PLD1: variants seen among roughly 807,000 people sequenced by gnomAD.
The protein encoded by PLD1 is choline phosphatase 1.
In PLD1, 112 loss-of-function variants were observed where a neutral mutation model predicts 137.1. That is an observed-to-expected ratio of 0.82 (90% confidence interval 0.70 to 0.96). The LOEUF is 0.96. Ranked by LOEUF, PLD1 falls within the 40% of genes least tolerant of loss-of-function variation. The probability of loss-of-function intolerance (pLI) is 0.00; values close to 1 mark genes in which losing one functional copy is unlikely to be tolerated. For synonymous variants in PLD1, 431 were observed against 454.7 expected, an observed-to-expected ratio of 0.95 and a Z score of 0.66; for missense variants, 1,321 against 1,342.0, an observed-to-expected ratio of 0.98 and a Z score of 0.24.
At chr3:171,711,167 CTTTTTTTTTTT>C (rs562934959) in intron 9 of PLD1, among the ~76,000 whole-genome samples, 60 of 94,808 alleles carry the variant, frequency 6.3e-4, no homozygotes, top group African/African-American at 2.4e-3. Flanking sequence ...CTGTGCCAGC[CTTTTTTTTTTT>C]TTTTTTTTTT....
chr3:171,609,546 ACACACAC>A lies in PLD1; in HGVS notation c.2882+2726_2882+2732del, dbSNP rs1406000190. On this transcript the variant is annotated intron_variant, in intron 25 of 26. Transcript: ENST00000351298. ...CACACACACACACACACACACACAC[ACACACAC>A]ACCAGAGAAAACTACTCAGCCATAA... Among the ~76,000 whole-genome samples, 940 of 148,516 alleles carry A rather than the reference ACACACAC, an allele frequency of 6.3e-3. 4 individuals are homozygous for A. The highest frequency in any genetic ancestry group is 0.022 in the African/African-American group (842 of 38,388).
chr3:171,639,661 CATATA>C (rs1227386245), intron 23 of PLD1, among the ~76,000 whole-genome samples: 2 of 106,908 alleles, frequency 1.9e-5, no homozygotes, highest in African/African-American at 4.0e-5. Context: ...AATATATATT[CATATA>C]ATATATATTA....
At chr3:171,638,249 TGG>T (rs535643926) in intron 23 of PLD1, among the ~76,000 whole-genome samples, 3 of 151,384 alleles carry the variant, frequency 2.0e-5, no homozygotes, top group Non-Finnish European at 4.4e-5. Context: ...GAAGTTGCTC[TGG>T]GTGTGAGTGG....
intron 6 of PLD1, among the ~76,000 whole-genome samples, chr3:171,727,574 C>T (rs1718622010): frequency 6.6e-6 from 1 of 152,128 alleles, no homozygotes; most frequent in Non-Finnish European, 1.5e-5. Flanking sequence ...AAGATACTCT[C>T]CCAGCATTAG....
chr3:171,713,630 T>C (rs1277310334), intron 9 of PLD1, among the ~76,000 whole-genome samples: 2 of 152,238 alleles, frequency 1.3e-5, no homozygotes, highest in Non-Finnish European at 2.9e-5. Context: ...ATCTATCTGT[T>C]TAGTAAACTG....
intron 19 of PLD1, among the ~76,000 whole-genome samples, chr3:171,672,422 C>G (rs564322303): frequency 1.3e-5 from 2 of 152,224 alleles, no homozygotes; most frequent in South Asian, 4.1e-4. Flanking sequence ...TCCAGGCCAC[C>G]TGAACATGTG....
rs749711845 is a variant in PLD1 at position 171,662,102 on chromosome 3, G to GT, written c.2297dup (p.Tyr766Ter). Residue 766 changes from tyrosine (Y) to a stop codon, truncating the protein, a stop_gained and frameshift_variant, in exon 20 of 27, where the codon TAC (tyrosine) becomes TAAC (stop). Coordinates refer to ENST00000351298, the MANE Select transcript of PLD1 (RefSeq NM_002662.5). LOFTEE classifies it high-confidence loss of function. The stretch of plus-strand genomic sequence containing the variant: ...GCCTGCTGTTCTCTATCACATGGAC[G>GT]TAAGCGGCGTGGATGGACTCTTCAT... The part of the protein sequence containing the change: ...KYHEESIHAA[Y>*]VHVIENSRHY... 2.5e-6 allele frequency: 4 copies of GT among 1,612,878 alleles called. No individual in the cohort carries two copies. The Admixed American group carries it at 6.7e-5, about 27-fold the overall frequency.
intron 1 of PLD1, among the ~76,000 whole-genome samples, chr3:171,750,983 T>C (rs1312464460): frequency 6.6e-6 from 1 of 151,986 alleles, no homozygotes; most frequent in Non-Finnish European, 1.5e-5. Flanking sequence ...CTGAACCAAG[T>C]AGGGACCCCC....
chr3:171,786,589 T>C (rs1723020800), intron 1 of PLD1, among the ~76,000 whole-genome samples: 1 of 152,220 alleles, frequency 6.6e-6, no homozygotes, highest in African/African-American at 2.4e-5. Flanking sequence ...TTTATCATAA[T>C]TGAATACTGT....
chr3:171,742,119 A>G (rs1368775574), intron 1 of PLD1, among the ~76,000 whole-genome samples: 1 of 152,238 alleles, frequency 6.6e-6, no homozygotes, highest in African/African-American at 2.4e-5. Context: ...GAAGCTGGTG[A>G]TCAATTTGAT....
At chr3:171,649,463 A>C (rs1736543859) in intron 21 of PLD1, among the ~76,000 whole-genome samples, 1 of 152,202 alleles carries the variant, frequency 6.6e-6, no homozygotes, top group African/African-American at 2.4e-5. Flanking sequence ...CACTGTGTCC[A>C]ATCTGCCTCC....
In PLD1 at chr3:171,709,579, C is replaced by G; in HGVS notation, c.1042G>C (p.Glu348Gln). 6.2e-7 allele frequency: 1 copy of G among 1,613,998 alleles called. No individual in the cohort carries two copies. The highest frequency in any genetic ancestry group is 8.5e-7 in the Non-Finnish European group (1 of 1,179,926). The change falls in exon 10 of 27, where the codon GAG (glutamate) becomes CAG (glutamine). Residue 348 changes from glutamate to glutamine, a missense_variant. By Grantham distance (29) the Glu-to-Gln change is conservative. Transcript: ENST00000351298. Reference sequence around the variant, plus strand: ...ACTTACCATTTAGCTAAAGCATTCTCTTGGATAGCAGCATATGACCCAAAT... The same window carrying G: ...ACTTACCATTTAGCTAAAGCATTCTGTTGGATAGCAGCATATGACCCAAAT... Reference protein sequence around the residue: ...HRFGSYAAIQENALAKWYVNA... With the variant: ...HRFGSYAAIQQNALAKWYVNA...
chr3:171,688,817 C>T lies in PLD1; in HGVS notation c.1398G>A (p.Lys466=), dbSNP rs1327119512. The change falls in exon 14 of 27, where the codon AAG becomes AAA. Residue 466 remains lysine (K), a synonymous_variant. Coordinates refer to ENST00000351298, the MANE Select transcript of PLD1 (RefSeq NM_002662.5). ...STVYLWAHHE[K]LVIIDQSVAF... is the part of the protein sequence containing the mutation. ...CCACCGATTGGTCAATGATGACAAG[C>T]TTCTCATGGTGAGCCCACAAATAGA... 2 of 1,614,118 alleles carry T rather than the reference C, an allele frequency of 1.2e-6. No homozygotes were observed. The highest frequency in any genetic ancestry group is 1.1e-5 in the South Asian group (1 of 91,084).
intron 19 of PLD1, among the ~76,000 whole-genome samples, chr3:171,671,375 T>C (rs1369873914): frequency 6.6e-6 from 1 of 152,240 alleles, no homozygotes; most frequent in African/African-American, 2.4e-5. Context: ...GGAGACTTTG[T>C]GACACTAAAC....
intron 24 of PLD1, among the ~76,000 whole-genome samples, chr3:171,615,798 C>T (rs563268177): frequency 6.6e-6 from 1 of 152,300 alleles, no homozygotes; most frequent in East Asian, 1.9e-4. Context: ...CAGAGTTTTG[C>T]TGTGATGCAC....
At chr3:171,680,036 T>A (rs1201917149) in intron 16 of PLD1, among the ~76,000 whole-genome samples, 1 of 152,108 alleles carries the variant, frequency 6.6e-6, no homozygotes, top group Non-Finnish European at 1.5e-5. Context: ...TTCTGGCTAC[T>A]AAAGTTTATG....
intron 23 of PLD1, among the ~76,000 whole-genome samples, chr3:171,628,860 C>T (rs950414588): frequency 1.3e-5 from 2 of 152,052 alleles, no homozygotes. Context: ...TGGGACATAT[C>T]TCAAAATAAA....
At chr3:171,651,229 C>T (rs895918077) in intron 21 of PLD1, among the ~76,000 whole-genome samples, 1 of 152,144 alleles carries the variant, frequency 6.6e-6, no homozygotes, top group Non-Finnish European at 1.5e-5. Context: ...TATTTCATTA[C>T]TGTAAACTTC....
Position 171,768,776 on chromosome 3 carries a change from G to A in PLD1, c.-31-30694C>T, listed in dbSNP as rs530392199. 4.6e-5 allele frequency among the ~76,000 whole-genome samples: 7 copies of A among 152,320 alleles called. No homozygotes were observed. The South Asian group carries it at 8.3e-4, about 18-fold the overall frequency. On this transcript the variant is annotated intron_variant, in intron 1 of 26. Transcript: ENST00000351298. The stretch of plus-strand genomic sequence containing the variant: ...GCATCACGCCCTTCTGGGTCACAGC[G>A]AGGTCCATAAACCATCTGAGATGTG...
Sources: gnomAD v4.1 joint callset for allele counts (sites outside exome capture counted in the v4.1 genomes callset) on GRCh38, gnomAD v4.1.1 for gene constraint, MANE v1.5 for transcripts, NCBI Gene and HGNC (gene_info 2026-07-23, HGNC 2026-07-21) for gene names.